SNX29: variants seen among roughly 807,000 people sequenced by gnomAD.
The protein encoded by SNX29 is sorting nexin 29.
SNX29 carries 78 observed loss-of-function variants against 102.1 expected under a neutral mutation model. The ratio of observed to expected loss-of-function variants is 0.76; its 90% CI spans 0.64 to 0.92. The LOEUF (loss-of-function observed/expected upper bound fraction) is 0.92. SNX29 is among the 40% of genes least tolerant of loss of function. SNX29 has a pLI of 0.00. For synonymous variants in SNX29, 580 were observed against 414.5 expected (o/e 1.40, Z -4.85); for missense variants, 1,280 against 1,061.7 (o/e 1.21, Z -2.86).
chr16:12,025,599 G>A (rs1337314711), intron 3 of SNX29, among the ~76,000 whole-genome samples: 1 of 152,168 alleles, frequency 6.6e-6, no homozygotes, highest in Non-Finnish European at 1.5e-5. Context: ...ATGCCTAATA[G>A]GCTCCCTTCT....
intron 1 of SNX29, among the ~76,000 whole-genome samples, chr16:11,996,902 CT>C (rs1257208330): frequency 2.0e-5 from 3 of 152,142 alleles, no homozygotes; most frequent in African/African-American, 7.2e-5. Flanking sequence ...ATCGAAACCT[CT>C]TCCAGAAAAA....
At chr16:12,105,391 G>GT (rs956133485) in intron 11 of SNX29, among the ~76,000 whole-genome samples, 2 of 151,910 alleles carry the variant, frequency 1.3e-5, no homozygotes, top group African/African-American at 4.8e-5. Context: ...CACCTAGCTA[G>GT]TTTTTTGTTT....
At chr16:12,192,475 A>G (rs1055931933) in intron 13 of SNX29, among the ~76,000 whole-genome samples, 3 of 152,022 alleles carry the variant, frequency 2.0e-5, no homozygotes, top group Non-Finnish European at 4.4e-5. Context: ...CTTTTTCCAC[A>G]TAGCAAGTCT....
intron 18 of SNX29, among the ~76,000 whole-genome samples, chr16:12,416,463 G>A (rs1291371624): frequency 6.6e-6 from 1 of 152,208 alleles, no homozygotes; most frequent in African/African-American, 2.4e-5. Flanking sequence ...TTGAGGTGAT[G>A]GATCTGCTCA....
chr16:12,537,883 G>T (rs373096412), intron 20 of SNX29, among the ~76,000 whole-genome samples: 1 of 151,758 alleles, frequency 6.6e-6, no homozygotes, highest in African/African-American at 2.4e-5. Flanking sequence ...TTTTTGGGAC[G>T]CTAAGGCAGG....
intron 11 of SNX29, among the ~76,000 whole-genome samples, chr16:12,097,492 T>G (rs2052816696): frequency 2.0e-5 from 3 of 152,168 alleles, no homozygotes; most frequent in African/African-American, 7.2e-5. Context: ...CTGCAGTGAG[T>G]ACACAAGGTC....
Position 12,543,776 on chromosome 16 carries a change from G to A in SNX29, c.2318+18935G>A, listed in dbSNP as rs945067876. Among the ~76,000 whole-genome samples, 3 of 152,204 alleles carry A rather than the reference G, an allele frequency of 2.0e-5. No individual in the cohort carries two copies. The East Asian group carries it at 5.8e-4, about 29-fold the overall frequency. ...GAGATTTTCCAAGTTTATTTTCCAA[G>A]ATGTATCTGGTGCTCTAGAGATTTC... is the stretch of plus-strand genomic sequence containing the variant. On this transcript the variant is annotated intron_variant, in intron 20 of 20. Coordinates refer to ENST00000566228, the MANE Select transcript of SNX29 (RefSeq NM_032167.5).
chr16:12,169,324 C>G (rs1252785761), intron 13 of SNX29, among the ~76,000 whole-genome samples: 2 of 152,132 alleles, frequency 1.3e-5, no homozygotes, highest in East Asian at 3.9e-4. Context: ...TTCATGGCCC[C>G]GTGAGGCTGT....
chr16:12,553,839 G>A (rs1040482998), intron 20 of SNX29, among the ~76,000 whole-genome samples: 6 of 151,502 alleles, frequency 4.0e-5, no homozygotes. Context: ...ACCCACCTAG[G>A]TCTACCGAAA....
At chr16:12,447,944 A>G (rs1254101570) in intron 18 of SNX29, among the ~76,000 whole-genome samples, 1 of 152,112 alleles carries the variant, frequency 6.6e-6, no homozygotes, top group African/African-American at 2.4e-5. Context: ...CCTCCCCCAA[A>G]TCAGCTGATG....
chr16:12,313,615 G>A (rs1475417623), intron 15 of SNX29, among the ~76,000 whole-genome samples: 1 of 152,190 alleles, frequency 6.6e-6, no homozygotes, highest in Non-Finnish European at 1.5e-5. Flanking sequence ...GAATTCGGTG[G>A]TTCTTCTTGT....
intron 13 of SNX29, among the ~76,000 whole-genome samples, chr16:12,198,007 C>T (rs1337517955): frequency 1.3e-5 from 2 of 152,078 alleles, no homozygotes; most frequent in Non-Finnish European, 2.9e-5. Context: ...CAGTGTTTGG[C>T]GTATCTATAG....
chr16:12,101,665 C>T (rs576138948), intron 11 of SNX29, among the ~76,000 whole-genome samples: 1 of 152,200 alleles, frequency 6.6e-6, no homozygotes, highest in East Asian at 1.9e-4. Context: ...ATTGCTGGCA[C>T]GAGTCGCTGT....
At chr16:12,039,028 C>A (rs3881428) in intron 4 of SNX29, among the ~76,000 whole-genome samples, 1 of 152,116 alleles carries the variant, frequency 6.6e-6, no homozygotes, top group Non-Finnish European at 1.5e-5. Context: ...AAGATAGTCT[C>A]GAGGGACCTG....
intron 13 of SNX29, among the ~76,000 whole-genome samples, chr16:12,186,353 T>G (rs796890057): frequency 3.3e-5 from 5 of 152,306 alleles, no homozygotes; most frequent in African/African-American, 1.2e-4. Context: ...GGAGACAGAT[T>G]TATCTGTATC....
chr16:12,364,172 T>C (rs953769283), intron 16 of SNX29, among the ~76,000 whole-genome samples: 1 of 141,170 alleles, frequency 7.1e-6, no homozygotes, highest in Non-Finnish European at 1.6e-5. Context: ...TGTTATGTTA[T>C]GTTATGTTAT....
At chr16:12,193,161 C>T (rs914879400) in intron 13 of SNX29, among the ~76,000 whole-genome samples, 3 of 152,192 alleles carry the variant, frequency 2.0e-5, no homozygotes, top group African/African-American at 7.2e-5. Flanking sequence ...TTTGGAGTTT[C>T]ATCCAAGTTG....
At chr16:12,539,622 C>A (rs1040230622) in intron 20 of SNX29, among the ~76,000 whole-genome samples, 1 of 152,196 alleles carries the variant, frequency 6.6e-6, no homozygotes, top group African/African-American at 2.4e-5. Flanking sequence ...AGGACTGGAT[C>A]CTATGCTAAA....
intron 13 of SNX29, among the ~76,000 whole-genome samples, chr16:12,144,707 G>C (rs1029292305): frequency 6.6e-6 from 1 of 152,350 alleles, no homozygotes. Flanking sequence ...AAAACAGACT[G>C]AGACGGCTTG....
Sources: allele counts gnomAD v4.1 joint callset (sites outside exome capture counted in the v4.1 genomes callset), GRCh38; gene constraint gnomAD v4.1.1; transcripts MANE v1.5; gene names NCBI Gene and HGNC (gene_info 2026-07-23, HGNC 2026-07-21).